CA2: variants seen among roughly 807,000 people sequenced by gnomAD.
CA2 encodes carbonate dehydratase II.
Under a neutral mutation model 27.8 loss-of-function variants are expected in CA2, and 23 were observed. The ratio of observed to expected loss-of-function variants is 0.83; its 90% CI spans 0.59 to 1.17. The LOEUF is 1.17. Ranked by LOEUF, CA2 falls within the 50% of genes most tolerant of loss-of-function variation. The pLI, the probability that CA2 is intolerant of heterozygous loss-of-function variation, is 0.00. For synonymous variants in CA2, 99 were observed against 114.9 expected (o/e 0.86, Z 0.88); for missense variants, 300 against 314.7 (o/e 0.95, Z 0.35).
chr8:85,473,967 G>A, intron 3 of CA2, 156 bp downstream of exon 3: 4 of 659,978 alleles, frequency 6.1e-6, no homozygotes, highest in Middle Eastern at 4.1e-4. Context: ...ACCTTTAATT[G>A]TGACATCATA....
chr8:85,478,479 A>AT (rs894675178), intron 6 of CA2, among the ~76,000 whole-genome samples: 21 of 151,866 alleles, frequency 1.4e-4, no homozygotes, highest in African/African-American at 3.6e-4. Context: ...TAAAACATGA[A>AT]TTTTTTTTTC....
intron 2 of CA2, among the ~76,000 whole-genome samples, chr8:85,468,533 C>T (rs565528226): frequency 2.0e-5 from 3 of 152,244 alleles, no homozygotes; most frequent in African/African-American, 7.2e-5. Context: ...CTGAGGTGGG[C>T]GGATCACTTG....
chr8:85,470,825 A>T (rs1398606837), intron 2 of CA2, among the ~76,000 whole-genome samples: 1 of 152,086 alleles, frequency 6.6e-6, no homozygotes, highest in African/African-American at 2.4e-5. Flanking sequence ...GGGGTCTTGA[A>T]AAAAACATTA....
At chr8:85,475,753 G>C (rs751958363) in intron 4 of CA2, 45 bp from the exon 5 acceptor site, 1 of 1,566,818 alleles carries the variant, frequency 6.4e-7, no homozygotes, top group Non-Finnish European at 8.8e-7. Flanking sequence ...AACTGGTACA[G>C]TACCAACTGG....
chr8:85,478,452 G>T (rs58958691), intron 6 of CA2, among the ~76,000 whole-genome samples: 28,995 of 152,100 alleles, frequency 0.19, 3,694 homozygotes, highest in East Asian at 0.5. Context: ...TGTAGATGCA[G>T]TGTTTACATT....
intron 2 of CA2, among the ~76,000 whole-genome samples, chr8:85,473,126 G>A (rs1811734969): frequency 6.6e-6 from 1 of 152,052 alleles, no homozygotes; most frequent in South Asian, 2.1e-4. Context: ...AGGATAATTG[G>A]ATTTTGCAAT....
intron 6 of CA2, among the ~76,000 whole-genome samples, chr8:85,478,450 C>A (rs1242776895): frequency 1.3e-5 from 2 of 152,116 alleles, no homozygotes; most frequent in African/African-American, 4.8e-5. Flanking sequence ...TTTGTAGATG[C>A]AGTGTTTACA....
At chr8:85,472,745 C>CT (rs1165856997) in intron 2 of CA2, among the ~76,000 whole-genome samples, 1 of 152,034 alleles carries the variant, frequency 6.6e-6, no homozygotes, top group Non-Finnish European at 1.5e-5. Context: ...AATCCCGGCA[C>CT]TTTAGGAGGC....
At chr8:85,472,968 T>C (rs765429165) in intron 2 of CA2, among the ~76,000 whole-genome samples, 2 of 150,792 alleles carry the variant, frequency 1.3e-5, no homozygotes, top group Non-Finnish European at 2.9e-5. Flanking sequence ...CACTCCAGCC[T>C]GGGCAACAGA....
chr8:85,480,793 G>A lies in CA2; in HGVS notation c.*4G>A. On this transcript the variant is annotated 3_prime_UTR_variant, in exon 7 of 7. Transcript: ENST00000285379. ...AATCAAAGCTTCCTTCAAATAAGAT[G>A]GTCCCATAGTCTGTATCCAAATAAT... 6.2e-7 allele frequency: 1 copy of A among 1,613,590 alleles called. No homozygotes were observed. Among genetic ancestry groups the A allele is most frequent in the South Asian group, 1.1e-5 (1 of 91,074 alleles).
At chr8:85,469,759 T>C (rs1054543569) in intron 2 of CA2, among the ~76,000 whole-genome samples, 2 of 152,064 alleles carry the variant, frequency 1.3e-5, no homozygotes, top group African/African-American at 4.8e-5. Context: ...CTTATCCAAG[T>C]CTTACATCAT....
chr8:85,465,041 A>G lies in CA2; in HGVS notation c.35-231A>G, dbSNP rs570131096. On this transcript the variant is annotated intron_variant, in intron 1 of 6. Coordinates refer to ENST00000285379, the MANE Select transcript of CA2 (RefSeq NM_000067.3). ...TCAGTGATCTAAGAGCTTTACATAT[A>G]TCGATTCTAATTCTTACAGCGACAT... The G allele has an allele frequency of 3.3e-5, 18 of 537,584 alleles. No homozygotes were observed. In the East Asian group the frequency reaches 5.7e-4, roughly 17 times the overall value. 33.3% of individuals were successfully genotyped at this position (537,584 alleles called of 1,614,324 possible). A position where few individuals can be genotyped will look rare whatever the true frequency, so the allele number is the denominator to read the frequency against.
At chr8:85,466,431 A>C (rs1296115611) in intron 2 of CA2, among the ~76,000 whole-genome samples, 1 of 152,134 alleles carries the variant, frequency 6.6e-6, no homozygotes, top group Non-Finnish European at 1.5e-5. Flanking sequence ...ATAATATGTA[A>C]TTATAACCAT....
chr8:85,465,854 A>G (rs1811621640), intron 2 of CA2, among the ~76,000 whole-genome samples: 5 of 152,238 alleles, frequency 3.3e-5, no homozygotes, highest in Admixed American at 3.3e-4. Flanking sequence ...ATTAAAAAGT[A>G]TATCTTAGTG....
intron 2 of CA2, among the ~76,000 whole-genome samples, chr8:85,470,731 A>G (rs1270311669): frequency 6.6e-6 from 1 of 152,098 alleles, no homozygotes; most frequent in African/African-American, 2.4e-5. Flanking sequence ...TTATATACAG[A>G]GTATGTATAA....
chr8:85,480,892 A>C lies in CA2; in HGVS notation c.*103A>C. On this transcript the variant is annotated 3_prime_UTR_variant, in exon 7 of 7. Transcript: ENST00000285379. ...TTTGGACCCTGGTTGCTTTGTGTCT[A>C]GTTTTCTAGACCCTTCATCTCTTAC... 8.3e-7 allele frequency: 1 copy of C among 1,208,142 alleles called. No homozygotes were observed. The highest frequency in any genetic ancestry group is 1.2e-6 in the Non-Finnish European group (1 of 825,640). 74.8% of individuals were successfully genotyped at this position (1,208,142 alleles called of 1,614,324 possible). A position where few individuals can be genotyped will look rare whatever the true frequency, so the allele number is the denominator to read the frequency against.
At position 85,477,850 on chromosome 8, in the gene CA2, G is replaced by A. The variant is rs372943791; in HGVS notation, c.663+575G>A. On this transcript the variant is annotated intron_variant, in intron 6 of 6. Coordinates refer to ENST00000285379, the MANE Select transcript of CA2 (RefSeq NM_000067.3). ...AGTGCAGCTTCTAAGTCACTGATGA[G>A]CAGCCACTAAAGTGGATACAAATGA... 7.2e-5 allele frequency among the ~76,000 whole-genome samples: 11 copies of A among 152,170 alleles called. No homozygotes were observed. The East Asian group carries it at 7.7e-4, about 11-fold the overall frequency.
At chr8:85,475,300 G>GA (rs1811776697) in intron 4 of CA2, among the ~76,000 whole-genome samples, 1 of 69,662 alleles carries the variant, frequency 1.4e-5, no homozygotes, top group Non-Finnish European at 2.6e-5. Context: ...GCAGCCTAGG[G>GA]GTTGAGGTTG....
At chr8:85,466,166 A>G (rs544884333) in intron 2 of CA2, among the ~76,000 whole-genome samples, 78 of 149,612 alleles carry the variant, frequency 5.2e-4, no homozygotes, top group African/African-American at 1.9e-3. Flanking sequence ...AAGAAAAAAA[A>G]TCCTGCTTTT....
Sources: gnomAD v4.1 joint callset for allele counts (sites outside exome capture counted in the v4.1 genomes callset) on GRCh38, gnomAD v4.1.1 for gene constraint, MANE v1.5 for transcripts, NCBI Gene and HGNC (gene_info 2026-07-23, HGNC 2026-07-21) for gene names.